PHF14: variants seen among roughly 807,000 people sequenced by gnomAD.
PHF14 encodes the protein PHD finger protein 14.
PHF14 carries 55 observed loss-of-function variants against 117.9 expected under a neutral mutation model. The observed-to-expected ratio is 0.47, with a 90% CI of 0.38 to 0.58. PHF14 has a LOEUF of 0.58. Ranked by LOEUF, PHF14 falls within the 20% of genes least tolerant of loss-of-function variation. The probability of loss-of-function intolerance (pLI) is 0.00; values close to 1 mark genes in which losing one functional copy is unlikely to be tolerated. For missense variants in PHF14, 978 were observed against 1,122.2 expected (o/e 0.87, Z 1.84); for synonymous variants, 409 against 368.6 (o/e 1.11, Z -1.26).
intron 17 of PHF14, among the ~76,000 whole-genome samples, chr7:11,157,389 CAAA>C (rs10693452): frequency 1.4e-5 from 2 of 146,744 alleles, no homozygotes; most frequent in African/African-American, 4.9e-5. Context: ...AATGGGTTAC[CAAA>C]AAAAAAAAAT....
chr7:11,036,423 G>A lies in PHF14; in HGVS notation c.1608G>A (p.Arg536=). The A allele has an allele frequency of 6.2e-7, 1 of 1,609,816 alleles. No homozygotes were observed. Among genetic ancestry groups the A allele is most frequent in the East Asian group, 2.2e-5 (1 of 44,752 alleles). Residue 536 remains arginine, a synonymous_variant, in exon 9 of 18, where the codon AGG becomes AGA. Coordinates refer to ENST00000634607, the MANE Select transcript of PHF14 (RefSeq NM_001007157.2). ...TGAATACATTTCTTTTATAGGCAAG[G>A]ATCAATGCCCGGCTTCAGCAGTATC... ...EKQLSPEAQA[R]INARLQQYRA...
intron 6 of PHF14, among the ~76,000 whole-genome samples, chr7:11,026,488 A>G (rs1322279343): frequency 6.6e-6 from 1 of 152,178 alleles, no homozygotes; most frequent in Non-Finnish European, 1.5e-5. Flanking sequence ...AACAGAGGTT[A>G]TTTGAGCATT....
At chr7:11,051,524 T>A in intron 13 of PHF14, 88 bp from the exon 14 acceptor site, 2 of 1,029,984 alleles carry the variant, frequency 1.9e-6, no homozygotes, top group Non-Finnish European at 2.8e-6. Context: ...ATTATTCTTA[T>A]ATACCTGGAT....
intron 17 of PHF14, among the ~76,000 whole-genome samples, chr7:11,135,824 G>C (rs1413105758): frequency 2.6e-5 from 4 of 152,058 alleles, no homozygotes; most frequent in South Asian, 2.1e-4. Flanking sequence ...TGTAATATAC[G>C]GAAGGCTTTT....
chr7:10,981,704 C>T (rs1234158263), intron 2 of PHF14, among the ~76,000 whole-genome samples: 2 of 152,212 alleles, frequency 1.3e-5, no homozygotes, highest in African/African-American at 4.8e-5. Flanking sequence ...TTTATTGATA[C>T]GAACAGTATC....
At chr7:11,021,809 T>TA (rs925770049) in intron 5 of PHF14, among the ~76,000 whole-genome samples, 2 of 152,180 alleles carry the variant, frequency 1.3e-5, no homozygotes, top group African/African-American at 4.8e-5. Context: ...GATAATTTTT[T>TA]AAAAAGATTT....
At chr7:11,088,645 G>A (rs1786515696) in intron 16 of PHF14, among the ~76,000 whole-genome samples, 1 of 151,514 alleles carries the variant, frequency 6.6e-6, no homozygotes, top group Admixed American at 6.6e-5. Context: ...TAACCCTCCT[G>A]GGAATTTATC....
intron 16 of PHF14, chr7:11,109,831 C>G (rs1451331088): frequency 6.6e-6 from 1 of 151,838 alleles, no homozygotes; most frequent in Admixed American, 6.6e-5. Context: ...TTGATTTTAT[C>G]TATTCCTGTA....
intron 17 of PHF14, among the ~76,000 whole-genome samples, chr7:11,128,796 C>A (rs1788006655): frequency 1.3e-5 from 2 of 151,318 alleles, no homozygotes; most frequent in African/African-American, 4.9e-5. Context: ...TTCTTTCTCA[C>A]TACTCTTTTG....
chr7:11,050,830 C>T (rs1293125035), intron 13 of PHF14, among the ~76,000 whole-genome samples: 1 of 151,982 alleles, frequency 6.6e-6, no homozygotes, highest in Non-Finnish European at 1.5e-5. Context: ...GTAGGGGCCA[C>T]CAAATAATAT....
At chr7:11,060,077 G>C (rs1442832992) in intron 14 of PHF14, among the ~76,000 whole-genome samples, 1 of 151,980 alleles carries the variant, frequency 6.6e-6, no homozygotes, top group Non-Finnish European at 1.5e-5. Flanking sequence ...AGGTCTCTCT[G>C]TGTTGCCCAG....
At chr7:11,134,846 CAATG>C (rs1788174135) in intron 17 of PHF14, among the ~76,000 whole-genome samples, 1 of 152,044 alleles carries the variant, frequency 6.6e-6, no homozygotes, top group African/African-American at 2.4e-5. Context: ...GAAGGATACA[CAATG>C]AATAATTCAG....
At chr7:10,989,771 A>G (rs564548664) in intron 3 of PHF14, among the ~76,000 whole-genome samples, 43 of 152,196 alleles carry the variant, frequency 2.8e-4, no homozygotes, top group African/African-American at 9.9e-4. Flanking sequence ...CCTGGGACTA[A>G]GGGCATGCAT....
At chr7:11,056,080 A>G (rs1035070658) in intron 14 of PHF14, among the ~76,000 whole-genome samples, 4 of 152,288 alleles carry the variant, frequency 2.6e-5, no homozygotes, top group Non-Finnish European at 4.4e-5. Context: ...TCTATCTGTC[A>G]TAGATTCTTA....
At chr7:10,976,497 A>G (rs564807615) in intron 2 of PHF14, among the ~76,000 whole-genome samples, 1 of 152,260 alleles carries the variant, frequency 6.6e-6, no homozygotes, top group African/African-American at 2.4e-5. Context: ...TATGGGAACA[A>G]TTCTAAAACT....
At chr7:11,088,031 A>G (rs1001699584) in intron 16 of PHF14, among the ~76,000 whole-genome samples, 9 of 152,194 alleles carry the variant, frequency 5.9e-5, no homozygotes, top group Admixed American at 3.9e-4. Flanking sequence ...TTGCAGAGTT[A>G]TCATTATTAC....
chr7:10,983,170 C>G lies in PHF14; in HGVS notation c.900+11C>G. On this transcript the variant is annotated intron_variant, in intron 3 of 17. Coordinates refer to ENST00000634607, the MANE Select transcript of PHF14 (RefSeq NM_001007157.2). ...AGCAAGAGTAATGAGGTAGATCAAC[C>G]CAATTTTTATATCTGTCTGTCTGGG... 1 of 1,575,960 alleles carries G rather than the reference C, an allele frequency of 6.3e-7. No homozygotes were observed. Among genetic ancestry groups the G allele is most frequent in the South Asian group, 1.1e-5 (1 of 87,764 alleles).
chr7:11,103,175 C>A, intron 16 of PHF14: 1 of 976,996 alleles, frequency 1.0e-6, no homozygotes, highest in Non-Finnish European at 1.2e-6. Context: ...ACTTATTAGT[C>A]CTAGTGTGAA....
intron 16 of PHF14, among the ~76,000 whole-genome samples, chr7:11,096,873 A>G (rs1168583560): frequency 6.6e-6 from 1 of 152,138 alleles, no homozygotes; most frequent in Non-Finnish European, 1.5e-5. Context: ...ACTGGAAAAA[A>G]AAACTCATCT....
Sources: gnomAD v4.1 joint callset for allele counts (sites outside exome capture counted in the v4.1 genomes callset) on GRCh38, gnomAD v4.1.1 for gene constraint, MANE v1.5 for transcripts, NCBI Gene and HGNC (gene_info 2026-07-23, HGNC 2026-07-21) for gene names.